The following RAB30 variants were observed in gnomAD, a reference collection of about 807,000 sequenced individuals.
RAB30 encodes ras-related protein Rab-30.
RAB30 carries 9 observed loss-of-function variants against 25.1 expected under a neutral mutation model. The observed-to-expected ratio is 0.36, with a 90% CI of 0.22 to 0.63. RAB30 has a LOEUF of 0.63. Ranked by LOEUF, RAB30 falls within the 20% of genes least tolerant of loss-of-function variation. RAB30 has a pLI of 0.69. For missense variants in RAB30, 140 were observed against 243.5 expected, an observed-to-expected ratio of 0.58 and a Z score of 2.83; for synonymous variants, 77 against 86.4, an observed-to-expected ratio of 0.89 and a Z score of 0.60.
rs926073104 is a variant in RAB30, at chr11:82,980,734, A to G, written c.*1431T>C. 6.7e-6 allele frequency: 1 copy of G among 149,668 alleles called. No individual in the cohort carries two copies. Among genetic ancestry groups the G allele is most frequent in the African/African-American group, 2.4e-5 (1 of 40,954 alleles). 9.3% of individuals were successfully genotyped at this position (149,668 alleles called of 1,614,324 possible). On this transcript the variant is annotated 3_prime_UTR_variant, in exon 5 of 5. Coordinates refer to ENST00000527633, the MANE Select transcript of RAB30 (RefSeq NM_001286060.2). ...ACACATATTCAGCAGCACATCTCCCATTTTGAGTCCTGTTTTTAAATTGGC... is the reference window on the plus strand; with the variant it reads ...ACACATATTCAGCAGCACATCTCCCGTTTTGAGTCCTGTTTTTAAATTGGC...
chr11:83,050,776 A>T (rs1308423233), intron 1 of RAB30, among the ~76,000 whole-genome samples: 1 of 152,198 alleles, frequency 6.6e-6, no homozygotes, highest in Admixed American at 6.5e-5. Context: ...TCTTTTTCTC[A>T]GTGGTACATA....
chr11:83,021,519 G>A (rs1171000255), intron 1 of RAB30, among the ~76,000 whole-genome samples: 1 of 152,218 alleles, frequency 6.6e-6, no homozygotes, highest in African/African-American at 2.4e-5. Context: ...CAAGCACCTT[G>A]AGCTGCCCGC....
intron 1 of RAB30, among the ~76,000 whole-genome samples, chr11:82,999,983 G>A (rs1353103472): frequency 6.6e-6 from 1 of 152,172 alleles, no homozygotes; most frequent in Non-Finnish European, 1.5e-5. Flanking sequence ...GAGCAGTGAC[G>A]TGTCAGGTTG....
chr11:83,031,516 C>T (rs368310880), intron 1 of RAB30, among the ~76,000 whole-genome samples: 145 of 143,038 alleles, frequency 1.0e-3, no homozygotes, highest in Middle Eastern at 3.6e-3. Flanking sequence ...AGTGGTTCTG[C>T]GTATTCTTTT....
intron 1 of RAB30, among the ~76,000 whole-genome samples, chr11:83,004,257 G>A (rs1255732678): frequency 6.6e-6 from 1 of 152,122 alleles, no homozygotes; most frequent in Non-Finnish European, 1.5e-5. Flanking sequence ...TAAATAATAA[G>A]AAATCCAGGT....
chr11:83,065,235 T>A (rs913520156), intron 1 of RAB30, among the ~76,000 whole-genome samples: 3 of 151,026 alleles, frequency 2.0e-5, no homozygotes, highest in Non-Finnish European at 4.4e-5. Context: ...AAAAAAAAAA[T>A]TTAATTTAGT....
intron 1 of RAB30, among the ~76,000 whole-genome samples, chr11:83,027,731 A>AT (rs1857758129): frequency 6.6e-6 from 1 of 152,230 alleles, no homozygotes; most frequent in African/African-American, 2.4e-5. Context: ...TTGTACAACC[A>AT]TCACCACAAT....
chr11:83,022,960 C>T (rs1857614976), intron 1 of RAB30, among the ~76,000 whole-genome samples: 1 of 134,732 alleles, frequency 7.4e-6, no homozygotes, highest in Admixed American at 7.9e-5. Flanking sequence ...TGTATATATG[C>T]ATATGTATGT....
chr11:83,019,997 G>C (rs1051718231), intron 1 of RAB30, among the ~76,000 whole-genome samples: 2 of 152,238 alleles, frequency 1.3e-5, no homozygotes, highest in Non-Finnish European at 2.9e-5. Flanking sequence ...GCTGGAAGGC[G>C]TGGCCAGGAC....
intron 4 of RAB30, 60 bp downstream of exon 4, chr11:82,987,527 G>T: frequency 6.8e-7 from 1 of 1,480,228 alleles, no homozygotes; most frequent in Non-Finnish European, 9.2e-7. Flanking sequence ...TAAGCTTTAT[G>T]TGATTATAAA....
chr11:83,061,108 C>G (rs1858564661), intron 1 of RAB30, among the ~76,000 whole-genome samples: 1 of 152,170 alleles, frequency 6.6e-6, no homozygotes, highest in Non-Finnish European at 1.5e-5. Context: ...TTGGACTGCA[C>G]TAAGCTACCA....
chr11:83,021,596 C>T (rs1331970771), intron 1 of RAB30, among the ~76,000 whole-genome samples: 1 of 152,252 alleles, frequency 6.6e-6, no homozygotes, highest in Non-Finnish European at 1.5e-5. Flanking sequence ...ACACACCTCT[C>T]TCTGCTCCAC....
chr11:83,045,628 T>G (rs114107565), intron 1 of RAB30, among the ~76,000 whole-genome samples: 2,917 of 152,324 alleles, frequency 0.019, 90 homozygotes, highest in African/African-American at 0.066. Flanking sequence ...ACTTATTGGC[T>G]TGGTGGCTTT....
intron 4 of RAB30, among the ~76,000 whole-genome samples, chr11:82,986,625 T>C (rs1856743292): frequency 6.6e-6 from 1 of 152,232 alleles, no homozygotes; most frequent in South Asian, 2.1e-4. Flanking sequence ...AGTCCAGCAA[T>C]TTGTTACAAC....
At chr11:83,036,340 T>A (rs1857986964) in intron 1 of RAB30, among the ~76,000 whole-genome samples, 1 of 152,102 alleles carries the variant, frequency 6.6e-6, no homozygotes, top group South Asian at 2.1e-4. Context: ...CTAATTTTTG[T>A]ATTTTTAATG....
intron 1 of RAB30, among the ~76,000 whole-genome samples, chr11:83,020,870 A>G (rs1449221524): frequency 6.6e-6 from 1 of 152,030 alleles, no homozygotes; most frequent in Non-Finnish European, 1.5e-5. Context: ...CTCTCTGCTG[A>G]GAGCTGCAGA....
chr11:83,030,889 G>A (rs1017048746), intron 1 of RAB30, among the ~76,000 whole-genome samples: 15 of 152,148 alleles, frequency 9.9e-5, no homozygotes, highest in African/African-American at 3.6e-4. Flanking sequence ...CAGTACCTTA[G>A]AATGTGACTG....
At chr11:82,984,729 T>C (rs1158669555) in intron 4 of RAB30, among the ~76,000 whole-genome samples, 1 of 152,178 alleles carries the variant, frequency 6.6e-6, no homozygotes, top group Non-Finnish European at 1.5e-5. Flanking sequence ...GGTTGTGGCC[T>C]CTAAATACGA....
chr11:83,067,056 G>A (rs568774197), intron 1 of RAB30, among the ~76,000 whole-genome samples: 7 of 152,178 alleles, frequency 4.6e-5, no homozygotes, highest in East Asian at 1.9e-4. Context: ...AGTCTGGAGC[G>A]CTTTTGCTTG....
Sources: allele counts gnomAD v4.1 joint callset (sites outside exome capture counted in the v4.1 genomes callset), GRCh38; gene constraint gnomAD v4.1.1; transcripts MANE v1.5; gene names NCBI Gene and HGNC (gene_info 2026-07-23, HGNC 2026-07-21).